SOCS2: variants seen among roughly 807,000 people sequenced by gnomAD.
The protein encoded by SOCS2 is suppressor of cytokine signaling 2.
SOCS2 carries 10 observed loss-of-function variants against 18.6 expected under a neutral mutation model. That is an observed-to-expected ratio of 0.54 (90% CI 0.33 to 0.91). SOCS2 has a LOEUF of 0.91. SOCS2 is among the 40% of genes least tolerant of loss of function. SOCS2 has a pLI of 0.02. For missense variants in SOCS2, 231 were observed against 247.2 expected (o/e 0.93, Z 0.44); for synonymous variants, 104 against 104.0 (o/e 1.00, Z 0.00).
chr12:93,602,524 T>G, the SOCS2 span, among the ~76,000 whole-genome samples: 1 of 152,190 alleles, frequency 6.6e-6, no homozygotes, highest in Admixed American at 6.5e-5. Flanking sequence ...CCTGTTCACA[T>G]GTACTCCAGG....
chr12:93,588,345 C>T (rs771017244), downstream of SOCS2, among the ~76,000 whole-genome samples: 1 of 152,108 alleles, frequency 6.6e-6, no homozygotes, highest in Non-Finnish European at 1.5e-5. Context: ...TAATAAAGAA[C>T]ATATATAACT....
At chr12:93,608,469 G>A in the SOCS2 span, among the ~76,000 whole-genome samples, 1 of 151,914 alleles carries the variant, frequency 6.6e-6, no homozygotes, top group Non-Finnish European at 1.5e-5. Context: ...ATGAGTCATG[G>A]CTCATCTAGG....
the SOCS2 span, among the ~76,000 whole-genome samples, chr12:93,595,712 T>C: frequency 3.3e-5 from 5 of 152,240 alleles, no homozygotes; most frequent in South Asian, 2.1e-4. Flanking sequence ...TCAAGTTATA[T>C]AGCTATTTTT....
chr12:93,584,011 T>C (rs146101613), downstream of SOCS2, among the ~76,000 whole-genome samples: 158 of 152,308 alleles, frequency 1.0e-3, no homozygotes, highest in African/African-American at 3.6e-3. Context: ...TTCCATAAAA[T>C]AGAGTAAGTG....
chr12:93,606,058 T>A, the SOCS2 span, among the ~76,000 whole-genome samples: 1,733 of 152,328 alleles, frequency 0.011, 27 homozygotes, highest in African/African-American at 0.035. Context: ...GGATCCAAGC[T>A]CCTCCTATCT....
the SOCS2 span, among the ~76,000 whole-genome samples, chr12:93,603,780 G>A: frequency 1.3e-5 from 2 of 152,116 alleles, no homozygotes; most frequent in Non-Finnish European, 2.9e-5. Flanking sequence ...TCTGAAAATG[G>A]CCAATAAAAC....
chr12:93,572,701 C>T lies in SOCS2; in HGVS notation c.-197C>T. ...TCTTTGTAGGCGATCAGTGGGTGAC[C>T]GCGGCTGCGAGGGACTTTGTCATCC... On this transcript the variant is annotated 5_prime_UTR_variant, in exon 1 of 2. Transcript: ENST00000551556. The surrounding 1 kb of genome is among the most constrained non-coding windows in gnomAD (Gnocchi z 5.0). 3 of 779,456 alleles carry T rather than the reference C, an allele frequency of 3.8e-6. No homozygotes were observed. The highest frequency in any genetic ancestry group is 6.6e-6 in the Non-Finnish European group (3 of 456,136). The allele number at this position is 779,456 out of a possible 1,614,324, so 48.3% of individuals were successfully genotyped here.
At chr12:93,619,948 C>T in the SOCS2 span, among the ~76,000 whole-genome samples, 1 of 152,188 alleles carries the variant, frequency 6.6e-6, no homozygotes. Flanking sequence ...TATATATCTT[C>T]ACGTTTCAAT....
At chr12:93,607,493 A>C in the SOCS2 span, among the ~76,000 whole-genome samples, 2 of 149,968 alleles carry the variant, frequency 1.3e-5, no homozygotes, top group African/African-American at 5.1e-5. Flanking sequence ...CCCAGGAAGA[A>C]GAACACAAGA....
At chr12:93,573,112 G>T (rs1299485653) in intron 1 of SOCS2, 76 bp downstream of exon 1, 2 of 1,516,862 alleles carry the variant, frequency 1.3e-6, no homozygotes, top group Non-Finnish European at 1.8e-6. Context: ...CGGGGTCGAG[G>T]TGGGAAGCAA....
the SOCS2 span, among the ~76,000 whole-genome samples, chr12:93,614,877 G>A: frequency 6.6e-6 from 1 of 150,924 alleles, no homozygotes; most frequent in Admixed American, 6.6e-5. Context: ...GCCTCCCAAA[G>A]TGTTGGGATT....
At position 93,574,718 on chromosome 12, in the gene SOCS2, C is replaced by T; in HGVS notation, c.140-4C>T. On this transcript the variant is annotated splice_polypyrimidine_tract_variant and splice_region_variant and intron_variant, in intron 1 of 1. Transcript: ENST00000551556. ...TTCTTTTTCTTTTTGAACAAAAACCCCAGGATGGTACTGGGGAAGTATGAC... is the reference window on the plus strand; with the variant it reads ...TTCTTTTTCTTTTTGAACAAAAACCTCAGGATGGTACTGGGGAAGTATGAC... The T allele has an allele frequency of 6.3e-7, 1 of 1,583,060 alleles. No homozygotes were observed. Among genetic ancestry groups the T allele is most frequent in the African/African-American group, 1.4e-5 (1 of 73,188 alleles).
chr12:93,601,855 G>A, the SOCS2 span, among the ~76,000 whole-genome samples: 1 of 151,750 alleles, frequency 6.6e-6, no homozygotes, highest in East Asian at 1.9e-4. Flanking sequence ...TCCTATTCCT[G>A]TCTCTATTGA....
In SOCS2 at chr12:93,572,966, G is replaced by A. The variant is rs1354930346; in HGVS notation, c.69G>A (p.Ala23=). The A allele has an allele frequency of 1.3e-6, 2 of 1,567,996 alleles. No individual in the cohort carries two copies. The highest frequency in any genetic ancestry group is 1.7e-6 in the Non-Finnish European group (2 of 1,156,688). The part of the protein sequence containing the change: ...GEGTRSQWGT[A]GSAEEPSPQA... ...GGACGCGGAGCCAGTGGGGGACCGC[G>A]GGGTCGGCGGAGGAGCCATCCCCGC... Residue 23 remains alanine (A), a synonymous_variant, in exon 1 of 2, where the codon GCG becomes GCA. Coordinates refer to ENST00000551556, the MANE Select transcript of SOCS2 (RefSeq NM_001270471.2). This position sits in a 1 kb window ranked among gnomAD's most constrained non-coding sequence, Gnocchi z 5.0.
At chr12:93,577,482 T>C (rs893665636), downstream of SOCS2, among the ~76,000 whole-genome samples, 1 of 151,964 alleles carries the variant, frequency 6.6e-6, no homozygotes, top group Non-Finnish European at 1.5e-5. Context: ...CCCTCCTGAT[T>C]TGTGAGTCAA....
chr12:93,615,671 C>T, the SOCS2 span, among the ~76,000 whole-genome samples: 1 of 152,250 alleles, frequency 6.6e-6, no homozygotes, highest in Non-Finnish European at 1.5e-5. Context: ...TGTCATCTCA[C>T]TACAACCTCC....
the SOCS2 span, among the ~76,000 whole-genome samples, chr12:93,604,206 CA>C: frequency 0.013 from 1,913 of 151,176 alleles, 48 homozygotes; most frequent in African/African-American, 0.044. Flanking sequence ...CAAAACAAAA[CA>C]AAAAAAACAA....
chr12:93,585,582 C>G (rs909174351), downstream of SOCS2, among the ~76,000 whole-genome samples: 6 of 152,134 alleles, frequency 3.9e-5, no homozygotes, highest in East Asian at 5.8e-4. Context: ...TATCCTGCTT[C>G]CTTCTTTTTT....
At position 93,574,727 on chromosome 12, in the gene SOCS2, T is replaced by C. The variant is rs1954404735; in HGVS notation, c.145T>C (p.Tyr49His). 6.2e-7 allele frequency: 1 copy of C among 1,608,406 alleles called. No individual in the cohort carries two copies. Among genetic ancestry groups the C allele is most frequent in the Non-Finnish European group, 8.5e-7 (1 of 1,177,064 alleles). ...ALRELGQTGW[Y>H]WGSMTVNEAK... ...TTTTTGAACAAAAACCCCAGGATGG[T>C]ACTGGGGAAGTATGACTGTTAATGA... Residue 49 changes from tyrosine (Y) to histidine (H), a missense_variant, in exon 2 of 2, where the codon TAC (tyrosine) becomes CAC (histidine). Around this residue, in one of 3 missense-constraint regions of SOCS2, gnomAD observed 106 missense variants for 103.8 expected, o/e 1.02. Coordinates refer to ENST00000551556, the MANE Select transcript of SOCS2 (RefSeq NM_001270471.2).
Sources: allele counts gnomAD v4.1 joint callset (sites outside exome capture counted in the v4.1 genomes callset), GRCh38; gene constraint gnomAD v4.1.1; regional missense constraint gnomAD v4.1.1; non-coding constraint Gnocchi (gnomAD v3.1); transcripts MANE v1.5; gene names NCBI Gene and HGNC (gene_info 2026-07-23, HGNC 2026-07-21).